Variants in MRPS27 observed in about 807,000 individuals in gnomAD.
The protein encoded by MRPS27 is small ribosomal subunit protein mS27.
MRPS27 carries 43 observed loss-of-function variants against 48.9 expected under a neutral mutation model. That is an observed-to-expected ratio of 0.88 (90% CI 0.69 to 1.13). MRPS27 has a LOEUF of 1.13. Ranked by LOEUF, MRPS27 falls within the 50% of genes most tolerant of loss-of-function variation. MRPS27 has a pLI of 0.00. For synonymous variants in MRPS27, 188 were observed against 171.9 expected (o/e 1.09, Z -0.73); for missense variants, 467 against 476.3 (o/e 0.98, Z 0.18).
Position 72,295,529 on chromosome 5 carries a change from A to G in MRPS27, c.281+2T>C, listed in dbSNP as rs1580107908. On this transcript the variant is annotated splice_donor_variant, in intron 4 of 10. Transcript: ENST00000261413. LOFTEE classifies it high-confidence loss of function. ...CATAGCCAAATCAAATGGAAAACTTACTTGTAAAGGTAATACTCTGCATGA... is the reference window on the plus strand; with the variant it reads ...CATAGCCAAATCAAATGGAAAACTTGCTTGTAAAGGTAATACTCTGCATGA... The G allele has an allele frequency of 1.2e-6, 2 of 1,604,592 alleles. No homozygotes were observed. The highest frequency in any genetic ancestry group is 1.3e-5 in the African/African-American group (1 of 74,836).
intron 4 of MRPS27, among the ~76,000 whole-genome samples, chr5:72,262,772 T>A (rs1347975012): frequency 2.0e-5 from 3 of 151,794 alleles, no homozygotes; most frequent in Non-Finnish European, 4.4e-5. Flanking sequence ...AATATATTTT[T>A]AATTTATTTT....
chr5:72,241,658 C>T, intron 4 of MRPS27: 1 of 1,535,494 alleles, frequency 6.5e-7, no homozygotes, highest in Non-Finnish European at 8.7e-7. Flanking sequence ...TGGAATAATT[C>T]TGTGGATTGC....
chr5:72,232,291 T>C (rs1748082744), intron 7 of MRPS27, 152 bp downstream of exon 7: 2 of 505,004 alleles, frequency 4.0e-6, no homozygotes, highest in Non-Finnish European at 6.9e-6. Flanking sequence ...ATTCCATTTG[T>C]TAGAAACCAG....
At chr5:72,283,902 A>T (rs1299436683) in intron 4 of MRPS27, among the ~76,000 whole-genome samples, 2 of 151,924 alleles carry the variant, frequency 1.3e-5, no homozygotes, top group African/African-American at 2.4e-5. Flanking sequence ...AATCCTGCTG[A>T]TCCAATTTTT....
intron 4 of MRPS27, among the ~76,000 whole-genome samples, chr5:72,276,510 G>C (rs1749377473): frequency 6.6e-6 from 1 of 152,168 alleles, no homozygotes; most frequent in Non-Finnish European, 1.5e-5. Context: ...CACAGGCAAA[G>C]ATCTCATGAT....
rs146439858 is a variant in MRPS27 at position 72,223,817 on chromosome 5, T to C, written c.871A>G (p.Thr291Ala). The C allele has an allele frequency of 6.3e-4, 1,011 of 1,613,882 alleles. 5 individuals carry two copies. In the African/African-American group the frequency reaches 0.012, roughly 19 times the overall value. ...TCCTCTGAAGCCCCATCAGCTGAAG[T>C]CAGAGCCTTCAGCACTGCACCCAGC... is the stretch of plus-strand genomic sequence containing the variant. The part of the protein sequence containing the change: ...DVLGAVLKAL[T>A]SADGASEEQS... The change falls in exon 10 of 11, where the codon ACT becomes GCT. Residue 291 changes from threonine (T) to alanine (A), a missense_variant. Physicochemically the swap from Thr to Ala is moderately conservative, Grantham distance 58. Coordinates refer to ENST00000261413, the MANE Select transcript of MRPS27 (RefSeq NM_015084.3).
intron 4 of MRPS27, among the ~76,000 whole-genome samples, chr5:72,256,601 G>A (rs1244178399): frequency 1.3e-5 from 2 of 152,172 alleles, no homozygotes; most frequent in African/African-American, 4.8e-5. Context: ...GCTATCCAAA[G>A]TCACTTTAAA....
At chr5:72,246,269 C>A (rs552253673) in intron 4 of MRPS27, among the ~76,000 whole-genome samples, 1 of 152,220 alleles carries the variant, frequency 6.6e-6, no homozygotes, top group South Asian at 2.1e-4. Context: ...AAAGTTGAAG[C>A]CAAGAAGAAA....
In MRPS27 at chr5:72,240,824, T is replaced by C. The variant is rs377303103; in HGVS notation, c.282-2696A>G. ...ACCCTTCCTTCACAGACTTTCTCTCTTAGAAGCCTAAAGGGAAAGTTACTC... is the reference window on the plus strand; with the variant it reads ...ACCCTTCCTTCACAGACTTTCTCTCCTAGAAGCCTAAAGGGAAAGTTACTC... On this transcript the variant is annotated intron_variant, in intron 4 of 10. Transcript: ENST00000261413. Among the ~76,000 whole-genome samples the C allele has an allele frequency of 8.2e-4, 125 of 152,342 alleles. 4 individuals are homozygous for C. The South Asian group carries it at 0.025, about 31-fold the overall frequency.
At chr5:72,248,421 A>C (rs997003688) in intron 4 of MRPS27, among the ~76,000 whole-genome samples, 1 of 152,202 alleles carries the variant, frequency 6.6e-6, no homozygotes, top group Non-Finnish European at 1.5e-5. Context: ...TAAAAAAGCC[A>C]TACTTTAGCT....
At chr5:72,233,056 C>G (rs1748104968) in intron 6 of MRPS27, among the ~76,000 whole-genome samples, 1 of 152,136 alleles carries the variant, frequency 6.6e-6, no homozygotes, top group Non-Finnish European at 1.5e-5. Context: ...ATTCTCTGCT[C>G]TGGTACCTTC....
chr5:72,303,010 T>C (rs1750163028), intron 2 of MRPS27, among the ~76,000 whole-genome samples: 1 of 152,230 alleles, frequency 6.6e-6, no homozygotes, highest in Non-Finnish European at 1.5e-5. Flanking sequence ...TATACCAAGC[T>C]GAGAATTTTG....
intron 7 of MRPS27, 180 bp from the exon 8 acceptor site, chr5:72,228,548 A>G: frequency 2.2e-6 from 1 of 447,982 alleles, no homozygotes; most frequent in Non-Finnish European, 3.9e-6. Flanking sequence ...GTCAAAGAAA[A>G]ATATAGGAAA....
chr5:72,258,190 AAAAC>A (rs992535361), intron 4 of MRPS27, among the ~76,000 whole-genome samples: 3 of 152,130 alleles, frequency 2.0e-5, no homozygotes, highest in African/African-American at 7.2e-5. Flanking sequence ...AGATGATATT[AAAAC>A]AAACAAATGC....
chr5:72,243,911 C>A (rs921489299), intron 4 of MRPS27, among the ~76,000 whole-genome samples: 7 of 152,108 alleles, frequency 4.6e-5, no homozygotes, highest in African/African-American at 1.7e-4. Context: ...TCAAGATAAG[C>A]CCCCTTTGTA....
rs1306941614 is a variant in MRPS27 at position 72,221,160 on chromosome 5, A to C, written c.1006-12T>G. The C allele has an allele frequency of 7.4e-6, 12 of 1,611,658 alleles. No individual in the cohort carries two copies. Among genetic ancestry groups the C allele is most frequent in the Non-Finnish European group, 1.0e-5 (12 of 1,179,156 alleles). On this transcript the variant is annotated splice_polypyrimidine_tract_variant and intron_variant, in intron 10 of 10. Coordinates refer to ENST00000261413, the MANE Select transcript of MRPS27 (RefSeq NM_015084.3). ...TTAGAATGTAAGGCCTGTTGGAAAC[A>C]AATGGGAAAAATGAGAAGAAAGGTA... is the stretch of plus-strand genomic sequence containing the variant.
At chr5:72,276,744 G>A (rs1487732173) in intron 4 of MRPS27, among the ~76,000 whole-genome samples, 1 of 151,986 alleles carries the variant, frequency 6.6e-6, no homozygotes, top group African/African-American at 2.4e-5. Flanking sequence ...TAAAAAGTGA[G>A]CAAAGCGCCA....
intron 4 of MRPS27, among the ~76,000 whole-genome samples, chr5:72,284,746 G>A (rs1749626041): frequency 6.6e-6 from 1 of 152,076 alleles, no homozygotes; most frequent in South Asian, 2.1e-4. Context: ...ATAAACCACA[G>A]TGGCTACATC....
intron 7 of MRPS27, among the ~76,000 whole-genome samples, chr5:72,231,530 T>C (rs1036319544): frequency 3.9e-5 from 6 of 152,312 alleles, no homozygotes; most frequent in African/African-American, 1.4e-4. Flanking sequence ...AGAAAATGTT[T>C]GCTCACCAGT....
Sources: gnomAD v4.1 joint callset for allele counts (sites outside exome capture counted in the v4.1 genomes callset) on GRCh38, gnomAD v4.1.1 for gene constraint, MANE v1.5 for transcripts, NCBI Gene and HGNC (gene_info 2026-07-23, HGNC 2026-07-21) for gene names.